The following FLI1 variants were observed in gnomAD, a reference collection of about 807,000 sequenced individuals.
The protein encoded by FLI1 is Fli-1 proto-oncogene, ETS transcription factor.
A neutral mutation model predicts 53.1 loss-of-function variants in FLI1; 13 were observed. The observed-to-expected ratio is 0.24, with a 90% confidence interval of 0.16 to 0.39. The LOEUF (loss-of-function observed/expected upper bound fraction) is 0.39. Among genes scored for constraint, FLI1 ranks in the 10% least tolerant of loss-of-function variants. The pLI, the probability that FLI1 is intolerant of heterozygous loss-of-function variation, is 1.00. For missense variants in FLI1, 424 were observed against 600.5 expected, an observed-to-expected ratio of 0.71 and a Z score of 3.07; for synonymous variants, 244 against 236.7, an observed-to-expected ratio of 1.03 and a Z score of -0.28.
upstream of FLI1, chr11:128,691,668 A>C (rs973567447): frequency 2.6e-5 from 4 of 152,258 alleles, no homozygotes; most frequent in African/African-American, 9.6e-5. Context: ...ATGGAGTTCC[A>C]CAGTTAAAAA....
At chr11:128,763,725 A>G (rs1941217391) in intron 2 of FLI1, among the ~76,000 whole-genome samples, 2 of 152,204 alleles carry the variant, frequency 1.3e-5, no homozygotes, top group Admixed American at 1.3e-4. Context: ...ACCTTGCAGT[A>G]TGAGACATGT....
At chr11:128,717,850 A>C (rs1273139755) in intron 1 of FLI1, among the ~76,000 whole-genome samples, 1 of 152,192 alleles carries the variant, frequency 6.6e-6, no homozygotes, top group Non-Finnish European at 1.5e-5. Flanking sequence ...GGTGTGGCTG[A>C]TTTGAAATTG....
intron 1 of FLI1, among the ~76,000 whole-genome samples, chr11:128,728,775 G>A (rs1266858657): frequency 6.6e-6 from 1 of 152,228 alleles, no homozygotes; most frequent in Non-Finnish European, 1.5e-5. Context: ...AGCTGTACCT[G>A]AGTATCAGGT....
chr11:128,748,941 A>T (rs1940528049), intron 1 of FLI1, among the ~76,000 whole-genome samples: 1 of 152,188 alleles, frequency 6.6e-6, no homozygotes, highest in Admixed American at 6.5e-5. Flanking sequence ...ATCAAATAAT[A>T]CATGTTCTAT....
At chr11:128,751,487 C>A (rs1200690395) in intron 1 of FLI1, among the ~76,000 whole-genome samples, 1 of 151,752 alleles carries the variant, frequency 6.6e-6, no homozygotes, top group Non-Finnish European at 1.5e-5. Flanking sequence ...GTAGCTAGGA[C>A]CACAGACACA....
intron 4 of FLI1, among the ~76,000 whole-genome samples, chr11:128,773,694 C>T (rs559620891): frequency 6.6e-6 from 1 of 151,344 alleles, no homozygotes; most frequent in South Asian, 2.1e-4. Context: ...GAAATATACA[C>T]AGAGCAGAAG....
intron 5 of FLI1, among the ~76,000 whole-genome samples, chr11:128,786,733 A>G (rs555320414): frequency 3.3e-5 from 5 of 152,342 alleles, no homozygotes; most frequent in African/African-American, 1.2e-4. Flanking sequence ...GCAGTGTGCA[A>G]CAATCAGCAC....
intron 1 of FLI1, among the ~76,000 whole-genome samples, chr11:128,699,048 C>A (rs614542): frequency 6.6e-6 from 1 of 151,832 alleles, no homozygotes; most frequent in African/African-American, 2.4e-5. Flanking sequence ...GGTAGACAGA[C>A]GGAATTCTTA....
rs528461854 is a variant in FLI1 at position 128,778,926 on chromosome 11, G to A, written c.590-3032G>A. Among the ~76,000 whole-genome samples, 169 of 152,058 alleles carry A rather than the reference G, an allele frequency of 1.1e-3. 7 individuals are homozygous for A. In the South Asian group the frequency reaches 0.033, roughly 30 times the overall value. ...TAATGAAGTAGAAATCGGAGAAGAGGAGGGAATCTAGGTCCCTTGGGAGAG... is the reference window on the plus strand; with the variant it reads ...TAATGAAGTAGAAATCGGAGAAGAGAAGGGAATCTAGGTCCCTTGGGAGAG... On this transcript the variant is annotated intron_variant, in intron 4 of 8. Transcript: ENST00000527786.
chr11:128,756,837 C>G (rs979458156), intron 1 of FLI1, among the ~76,000 whole-genome samples: 3 of 152,186 alleles, frequency 2.0e-5, no homozygotes, highest in African/African-American at 7.2e-5. Flanking sequence ...ATGGGAGACT[C>G]TTACCCTCAT....
At position 128,810,356 on chromosome 11, in the gene FLI1, GT is replaced by G; in HGVS notation, c.830-100del. On this transcript the variant is annotated intron_variant, in intron 8 of 8. Coordinates refer to ENST00000527786, the MANE Select transcript of FLI1 (RefSeq NM_002017.5). The surrounding 1 kb of genome is among the most constrained non-coding windows in gnomAD (Gnocchi z 6.6). The stretch of plus-strand genomic sequence containing the variant: ...ATCCCAATGTCGAAGGAAACAAAAG[GT>G]TTCTTTAAAAGGATGAGAAGCTCCC... 1 of 1,171,016 alleles carries G rather than the reference GT, an allele frequency of 8.5e-7. No individual in the cohort carries two copies. The highest frequency in any genetic ancestry group is 1.2e-6 in the Non-Finnish European group (1 of 834,964). The allele number at this position is 1,171,016 out of a possible 1,614,324, so 72.5% of individuals were successfully genotyped here.
chr11:128,766,796 G>A (rs991365617), intron 2 of FLI1, among the ~76,000 whole-genome samples: 7 of 151,930 alleles, frequency 4.6e-5, no homozygotes, highest in Admixed American at 1.3e-4. Flanking sequence ...TGGAACGTCC[G>A]GAGAGGTTAT....
intron 1 of FLI1, among the ~76,000 whole-genome samples, chr11:128,707,584 G>C (rs916927741): frequency 8.5e-5 from 13 of 152,304 alleles, no homozygotes; most frequent in African/African-American, 2.9e-4. Context: ...TCCTTTTGGA[G>C]ACTGTGGGTC....
intron 1 of FLI1, among the ~76,000 whole-genome samples, chr11:128,739,471 C>T (rs1006541736): frequency 6.6e-6 from 1 of 152,018 alleles, no homozygotes; most frequent in African/African-American, 2.4e-5. Flanking sequence ...CCAAACAAGC[C>T]CGTGAGCCTT....
At chr11:128,689,205 G>C (rs989091367), upstream of FLI1, among the ~76,000 whole-genome samples, 1 of 152,160 alleles carries the variant, frequency 6.6e-6, no homozygotes, top group Non-Finnish European at 1.5e-5. Context: ...TGGAACTTCC[G>C]CTCCTGATAT....
intron 1 of FLI1, among the ~76,000 whole-genome samples, chr11:128,711,944 A>G (rs1224151930): frequency 6.6e-6 from 1 of 152,196 alleles, no homozygotes; most frequent in Non-Finnish European, 1.5e-5. Context: ...TTATTTTAAA[A>G]CTTACTAGTT....
chr11:128,793,550 C>T (rs1942341859), intron 5 of FLI1, among the ~76,000 whole-genome samples: 1 of 152,222 alleles, frequency 6.6e-6, no homozygotes. Flanking sequence ...ACCTTCCTGC[C>T]ACTACAGAGT....
intron 1 of FLI1, among the ~76,000 whole-genome samples, chr11:128,750,443 A>C (rs558245376): frequency 6.6e-6 from 1 of 152,232 alleles, no homozygotes; most frequent in Non-Finnish European, 1.5e-5. Context: ...TCTCCCACTC[A>C]TGTCCACTTC....
At chr11:128,776,788 A>G (rs974389352) in intron 4 of FLI1, among the ~76,000 whole-genome samples, 2 of 152,098 alleles carry the variant, frequency 1.3e-5, no homozygotes, top group Non-Finnish European at 2.9e-5. Flanking sequence ...ATCTCAGACT[A>G]GGGCCTCTGG....
Sources: gnomAD v4.1 joint callset for allele counts (sites outside exome capture counted in the v4.1 genomes callset) on GRCh38, gnomAD v4.1.1 for gene constraint, Gnocchi (gnomAD v3.1) non-coding constraint, MANE v1.5 for transcripts, NCBI Gene and HGNC (gene_info 2026-07-23, HGNC 2026-07-21) for gene names.